Variants in PLCL2 observed in about 807,000 individuals in gnomAD.
The protein encoded by PLCL2 is phospholipase C like 2.
PLCL2 carries 4 observed loss-of-function variants against 79.6 expected under a neutral mutation model. The ratio of observed to expected loss-of-function variants is 0.05; its 90% CI spans 0.02 to 0.11. The LOEUF (loss-of-function observed/expected upper bound fraction) is 0.11, where lower values mean the gene tolerates loss of function less well. Among genes scored for constraint, PLCL2 ranks in the 10% least tolerant of loss-of-function variants. The pLI, the probability that PLCL2 is intolerant of heterozygous loss-of-function variation, is 1.00. For synonymous variants in PLCL2, 484 were observed against 457.7 expected (o/e 1.06, Z -0.73); for missense variants, 895 against 1,291.0 (o/e 0.69, Z 4.70).
At chr3:16,933,095 G>T (rs536119612) in intron 1 of PLCL2, 38 of 154,752 alleles carry the variant, frequency 2.5e-4, no homozygotes, top group African/African-American at 8.9e-4. Flanking sequence ...AAAATGAAAC[G>T]TACCTAAGTA....
At chr3:17,076,995 C>T (rs2124950549) in intron 5 of PLCL2, among the ~76,000 whole-genome samples, 1 of 152,268 alleles carries the variant, frequency 6.6e-6, no homozygotes, top group Admixed American at 6.5e-5. Context: ...CATATATTCA[C>T]AATAGCCGTT....
chr3:16,966,838 C>A (rs919295655), intron 1 of PLCL2, among the ~76,000 whole-genome samples: 2 of 151,906 alleles, frequency 1.3e-5, no homozygotes, highest in Non-Finnish European at 1.5e-5. Context: ...TCAGAGGTCA[C>A]GGGAGTTTGA....
chr3:17,068,196 A>G (rs2065028785), intron 5 of PLCL2, 131 bp downstream of exon 5: 1 of 600,578 alleles, frequency 1.7e-6, no homozygotes, highest in African/African-American at 1.9e-5. Flanking sequence ...CAGAAATCAC[A>G]TGAAGAACTC....
intron 5 of PLCL2, among the ~76,000 whole-genome samples, chr3:17,085,746 G>A: frequency 6.7e-6 from 1 of 149,698 alleles, no homozygotes; most frequent in East Asian, 1.9e-4. Context: ...ACCATGCCCG[G>A]CCCAATTTAT....
At chr3:17,084,037 A>C (rs1471850789) in intron 5 of PLCL2, among the ~76,000 whole-genome samples, 1 of 152,214 alleles carries the variant, frequency 6.6e-6, no homozygotes, top group African/African-American at 2.4e-5. Context: ...AAAATCAGTA[A>C]GTCTTTAGTC....
intron 3 of PLCL2, among the ~76,000 whole-genome samples, chr3:17,029,188 C>A (rs1239652785): frequency 6.6e-6 from 1 of 151,594 alleles, no homozygotes; most frequent in Non-Finnish European, 1.5e-5. Context: ...AGAGAGGGAC[C>A]AGAGGCAGGA....
chr3:16,950,210 A>G (rs892537674), intron 1 of PLCL2, among the ~76,000 whole-genome samples: 6 of 152,204 alleles, frequency 3.9e-5, no homozygotes, highest in African/African-American at 1.4e-4. Context: ...TATGAATTTT[A>G]TAAATTAATT....
intron 3 of PLCL2, among the ~76,000 whole-genome samples, chr3:17,018,357 G>A (rs1198503453): frequency 9.2e-5 from 14 of 152,118 alleles, no homozygotes; most frequent in Admixed American, 7.9e-4. Context: ...CATGCAAATG[G>A]AGGCTTACAG....
Position 16,885,072 on chromosome 3 carries a change from C to A in PLCL2, c.33C>A (p.Gly11=). 5 of 386,078 alleles carry A rather than the reference C, an allele frequency of 1.3e-5. No homozygotes were observed. The highest frequency in any genetic ancestry group is 1.8e-5 in the Non-Finnish European group (4 of 218,434). The allele number at this position is 386,078 out of a possible 1,614,324, so 23.9% of individuals were successfully genotyped here. A position where few individuals can be genotyped will look rare whatever the true frequency, so the allele number is the denominator to read the frequency against. MAECGRGGAA[G]GALPTSPGPA... is the part of the protein sequence containing the mutation. The stretch of plus-strand genomic sequence containing the variant: ...AGTGCGGCCGGGGGGGCGCCGCCGG[C>A]GGGGCCCTGCCCACCTCCCCGGGCC... Residue 11 remains glycine, a synonymous_variant, in exon 1 of 6, where the codon GGC becomes GGA. Coordinates refer to ENST00000615277, the MANE Select transcript of PLCL2 (RefSeq NM_001144382.2).
At chr3:16,948,913 C>T (rs145040720) in intron 1 of PLCL2, among the ~76,000 whole-genome samples, 201 of 152,246 alleles carry the variant, frequency 1.3e-3, no homozygotes, top group African/African-American at 4.5e-3. Flanking sequence ...GATGACTTTG[C>T]TGTGCATTGT....
At chr3:17,059,406 G>A (rs970580621) in intron 4 of PLCL2, among the ~76,000 whole-genome samples, 2 of 149,354 alleles carry the variant, frequency 1.3e-5, no homozygotes, top group South Asian at 2.1e-4. Flanking sequence ...GAATAAAGAG[G>A]TATGTATGTG....
intron 1 of PLCL2, among the ~76,000 whole-genome samples, chr3:16,942,538 A>G (rs1260363085): frequency 6.6e-6 from 1 of 152,182 alleles, no homozygotes; most frequent in East Asian, 1.9e-4. Flanking sequence ...GAGATGCGGG[A>G]TGCTCCTTTA....
chr3:17,045,123 T>C (rs938287271), intron 4 of PLCL2, among the ~76,000 whole-genome samples: 1 of 152,226 alleles, frequency 6.6e-6, no homozygotes, highest in Non-Finnish European at 1.5e-5. Flanking sequence ...TAGTCATTAG[T>C]CATATGAAGA....
At chr3:17,060,635 AT>A (rs1225077766) in intron 4 of PLCL2, among the ~76,000 whole-genome samples, 1 of 152,204 alleles carries the variant, frequency 6.6e-6, no homozygotes, top group Admixed American at 6.5e-5. Context: ...AATTATACAT[AT>A]TCTTATAAAA....
intron 1 of PLCL2, among the ~76,000 whole-genome samples, chr3:16,891,339 C>T (rs1222024007): frequency 6.6e-6 from 1 of 152,186 alleles, no homozygotes; most frequent in Non-Finnish European, 1.5e-5. Context: ...GATGTGTGAG[C>T]AGTGTGTGGC....
intron 1 of PLCL2, among the ~76,000 whole-genome samples, chr3:16,994,778 G>A (rs185525461): frequency 1.1e-4 from 16 of 152,176 alleles, no homozygotes; most frequent in East Asian, 3.9e-4. Flanking sequence ...TTCTACCACC[G>A]TGTTCCCTTT....
chr3:17,086,267 C>T (rs1340315066), intron 5 of PLCL2, among the ~76,000 whole-genome samples: 1 of 152,214 alleles, frequency 6.6e-6, no homozygotes, highest in East Asian at 1.9e-4. Context: ...TAGAAGAGCC[C>T]AGAAATAGAC....
chr3:17,081,444 C>G lies in PLCL2; in HGVS notation c.3205-8289C>G, dbSNP rs116158095. ...TCAGAAGTAAGACAACTGTTTTTCT[C>G]TAATAGATAGTTGGACAAAAGGACT... On this transcript the variant is annotated intron_variant, in intron 5 of 5. Coordinates refer to ENST00000615277, the MANE Select transcript of PLCL2 (RefSeq NM_001144382.2). 1,275 of 306,136 alleles carry G rather than the reference C, an allele frequency of 4.2e-3. 19 individuals carry two copies. The highest frequency in any genetic ancestry group is 0.026 in the African/African-American group (1,203 of 45,618). 19.0% of individuals were successfully genotyped at this position (306,136 alleles called of 1,614,324 possible). A position where few individuals can be genotyped will look rare whatever the true frequency, so the allele number is the denominator to read the frequency against.
intron 1 of PLCL2, among the ~76,000 whole-genome samples, chr3:16,938,443 C>T (rs534617971): frequency 2.0e-5 from 3 of 152,220 alleles, no homozygotes; most frequent in African/African-American, 7.2e-5. Flanking sequence ...TCCATCCTTA[C>T]CACGTTGTAT....
Sources: gnomAD v4.1 joint callset for allele counts (sites outside exome capture counted in the v4.1 genomes callset) on GRCh38, gnomAD v4.1.1 for gene constraint, MANE v1.5 for transcripts, NCBI Gene and HGNC (gene_info 2026-07-23, HGNC 2026-07-21) for gene names.